The following LRP1B variants were observed in gnomAD, a reference collection of about 807,000 sequenced individuals.
The protein encoded by LRP1B is LDL receptor related protein 1B, also known as low-density lipoprotein receptor-related protein 1B.
In LRP1B, 217 loss-of-function variants were observed where a neutral mutation model predicts 556.6. That is an observed-to-expected ratio of 0.39 (90% CI 0.35 to 0.44). The LOEUF is 0.44. Among genes scored for constraint, LRP1B ranks in the 20% least tolerant of loss-of-function variants. LRP1B has a pLI of 1.00. For missense variants in LRP1B, 5,053 were observed against 5,620.8 expected, an observed-to-expected ratio of 0.90 and a Z score of 3.23; for synonymous variants, 2,047 against 1,865.8, an observed-to-expected ratio of 1.10 and a Z score of -2.50.
At chr2:141,913,824 G>A (rs1699965989) in intron 1 of LRP1B, among the ~76,000 whole-genome samples, 1 of 152,000 alleles carries the variant, frequency 6.6e-6, no homozygotes, top group Non-Finnish European at 1.5e-5. Flanking sequence ...TTGGCTGACT[G>A]CAACCTCCAC....
At chr2:141,897,215 A>G (rs1699480206) in intron 1 of LRP1B, among the ~76,000 whole-genome samples, 1 of 152,162 alleles carries the variant, frequency 6.6e-6, no homozygotes, top group Admixed American at 6.6e-5. Flanking sequence ...ACACACTGTA[A>G]AGGTCATTCA....
chr2:141,275,750 T>C (rs1685262488), intron 3 of LRP1B, among the ~76,000 whole-genome samples: 1 of 152,120 alleles, frequency 6.6e-6, no homozygotes, highest in Non-Finnish European at 1.5e-5. Flanking sequence ...ATAAGCATGT[T>C]ATTTTTTAAA....
In LRP1B at chr2:140,306,788, G is replaced by C. The variant is rs186279098; in HGVS notation, c.12805+8147C>G. On this transcript the variant is annotated intron_variant, in intron 83 of 90. Coordinates refer to ENST00000389484, the MANE Select transcript of LRP1B (RefSeq NM_018557.3). ...AGATCTTTCCTGCTTTCTCTTGTGG[G>C]CATTTAGTGCTATAAATTTCCCTCT... 1.4e-3 allele frequency among the ~76,000 whole-genome samples: 208 copies of C among 151,888 alleles called. 7 individuals are homozygous for C. The highest frequency in any genetic ancestry group is 0.014 in the Admixed American group (208 of 15,244).
intron 84 of LRP1B, among the ~76,000 whole-genome samples, chr2:140,293,760 T>C (rs529397398): frequency 5.3e-5 from 8 of 152,310 alleles, no homozygotes; most frequent in African/African-American, 9.6e-5. Context: ...CACAGACTTA[T>C]TATGCTGCCA....
chr2:140,633,592 T>A (rs1683971329), intron 41 of LRP1B, among the ~76,000 whole-genome samples: 1 of 152,164 alleles, frequency 6.6e-6, no homozygotes, highest in South Asian at 2.1e-4. Flanking sequence ...TTCATTTTTT[T>A]AAAGAGACAA....
At chr2:140,859,502 C>T (rs185266259) in intron 27 of LRP1B, among the ~76,000 whole-genome samples, 40 of 152,124 alleles carry the variant, frequency 2.6e-4, no homozygotes, top group African/African-American at 9.4e-4. Flanking sequence ...CAATTGGAGG[C>T]ACTTAAATCA....
At chr2:141,759,888 T>C (rs755772897) in intron 2 of LRP1B, among the ~76,000 whole-genome samples, 1 of 152,172 alleles carries the variant, frequency 6.6e-6, no homozygotes, top group Non-Finnish European at 1.5e-5. Context: ...CCCAGCACTT[T>C]GGTAGGCCGA....
chr2:141,869,861 A>G (rs1357859596), intron 1 of LRP1B, among the ~76,000 whole-genome samples: 1 of 152,108 alleles, frequency 6.6e-6, no homozygotes, highest in Non-Finnish European at 1.5e-5. Context: ...TCACACACAC[A>G]AAGATCCTCC....
chr2:140,794,209 C>A (rs148743301), intron 32 of LRP1B, among the ~76,000 whole-genome samples: 3 of 152,056 alleles, frequency 2.0e-5, no homozygotes, highest in African/African-American at 7.2e-5. Context: ...TTGGAAATAT[C>A]ATTTTGGTTA....
At chr2:140,589,715 A>G (rs1682139203) in intron 43 of LRP1B, among the ~76,000 whole-genome samples, 1 of 152,232 alleles carries the variant, frequency 6.6e-6, no homozygotes, top group African/African-American at 2.4e-5. Context: ...ATATAATTCC[A>G]TTATATAAGT....
chr2:140,942,709 TA>T (rs943624353), intron 20 of LRP1B, among the ~76,000 whole-genome samples: 3 of 93,870 alleles, frequency 3.2e-5, no homozygotes, highest in Admixed American at 1.1e-4. Flanking sequence ...GAAGGAGAAA[TA>T]AATTTTTTTT....
chr2:140,709,201 TG>T (rs1686943908), intron 37 of LRP1B, among the ~76,000 whole-genome samples: 1 of 152,062 alleles, frequency 6.6e-6, no homozygotes, highest in African/African-American at 2.4e-5. Context: ...AGAGAAAACA[TG>T]TATCCTGGTG....
intron 2 of LRP1B, among the ~76,000 whole-genome samples, chr2:141,637,807 G>C (rs1689158815): frequency 6.6e-6 from 1 of 152,138 alleles, no homozygotes; most frequent in Non-Finnish European, 1.5e-5. Flanking sequence ...ATTGGAGGTG[G>C]GACCTAGTGG....
In LRP1B at chr2:140,890,003, G is replaced by T. The variant is rs150421180; in HGVS notation, c.3767-3668C>A. ...GTTTGATATAGCAAACTCCTAGAAA[G>T]AACCTTAAAGGCCACAAACAGAGGA... On this transcript the variant is annotated intron_variant, in intron 23 of 90. Transcript: ENST00000389484. 2.2e-4 allele frequency among the ~76,000 whole-genome samples: 33 copies of T among 151,944 alleles called. No homozygotes were observed. The East Asian group carries it at 4.5e-3, about 20-fold the overall frequency.
At chr2:140,842,181 A>G (rs1428222936) in intron 29 of LRP1B, among the ~76,000 whole-genome samples, 1 of 152,214 alleles carries the variant, frequency 6.6e-6, no homozygotes, top group Non-Finnish European at 1.5e-5. Context: ...TATTCTTTTC[A>G]AAAGAAGCCA....
At chr2:141,599,053 GCCC>G (rs1687634272) in intron 2 of LRP1B, among the ~76,000 whole-genome samples, 6 of 10,022 alleles carry the variant, frequency 6.0e-4, no homozygotes, top group African/African-American at 9.2e-4. Context: ...ACTCCCCCCC[GCCC>G]CCCCCCCCCC....
At chr2:141,981,478 C>G (rs1310767129) in intron 1 of LRP1B, among the ~76,000 whole-genome samples, 1 of 152,078 alleles carries the variant, frequency 6.6e-6, no homozygotes, top group East Asian at 1.9e-4. Context: ...CATATCAGAT[C>G]ACAGAGTTAA....
chr2:141,795,873 TATATATATATATATATATATATATATA>T (rs143019170), intron 2 of LRP1B, among the ~76,000 whole-genome samples: 29,113 of 119,000 alleles, frequency 0.24, 3,897 homozygotes, highest in East Asian at 0.44. Flanking sequence ...TATATATATA[TATATATATATATATATATATATATATA>T]ATCTTTAAGC....
At chr2:140,788,188 G>T (rs1393449182) in intron 32 of LRP1B, among the ~76,000 whole-genome samples, 1 of 151,956 alleles carries the variant, frequency 6.6e-6, no homozygotes, top group Non-Finnish European at 1.5e-5. Flanking sequence ...GACAATAATT[G>T]GTAGCTATAT....
Sources: gnomAD v4.1 joint callset for allele counts (sites outside exome capture counted in the v4.1 genomes callset) on GRCh38, gnomAD v4.1.1 for gene constraint, MANE v1.5 for transcripts, NCBI Gene and HGNC (gene_info 2026-07-23, HGNC 2026-07-21) for gene names.